The following WDPCP variants were observed in gnomAD, a reference collection of about 807,000 sequenced individuals.
WDPCP encodes the protein WD repeat containing planar cell polarity effector, also known as WD repeat-containing and planar cell polarity effector protein fritz homolog.
WDPCP carries 71 observed loss-of-function variants against 93.1 expected under a neutral mutation model. The observed-to-expected ratio is 0.76, with a 90% CI of 0.63 to 0.93. The LOEUF is 0.93. Ranked by LOEUF, WDPCP falls within the 40% of genes least tolerant of loss-of-function variation. The probability of loss-of-function intolerance (pLI) is 0.00; values close to 1 mark genes in which losing one functional copy is unlikely to be tolerated. For missense variants in WDPCP, 844 were observed against 887.4 expected (o/e 0.95, Z 0.62); for synonymous variants, 315 against 315.0 (o/e 1.00, Z 0.00).
At chr2:63,525,238 C>A (rs1242667207) in intron 1 of WDPCP, among the ~76,000 whole-genome samples, 1 of 152,140 alleles carries the variant, frequency 6.6e-6, no homozygotes, top group African/African-American at 2.4e-5. Context: ...GACCCAAGGC[C>A]TACCTGAGGG....
chr2:63,624,230 T>TG (rs1462894876), intron 3 of WDPCP, among the ~76,000 whole-genome samples: 3 of 151,934 alleles, frequency 2.0e-5, no homozygotes, highest in African/African-American at 7.3e-5. Flanking sequence ...CAGGAGAAAG[T>TG]GGGAAAGATC....
At chr2:63,751,266 T>C (rs1669877441) in intron 2 of WDPCP, among the ~76,000 whole-genome samples, 1 of 152,198 alleles carries the variant, frequency 6.6e-6, no homozygotes, top group Non-Finnish European at 1.5e-5. Flanking sequence ...TGGTATCTTA[T>C]TATCCTTTTC....
intron 12 of WDPCP, among the ~76,000 whole-genome samples, chr2:63,362,274 T>TTTTTG (rs764194233): frequency 3.4e-5 from 2 of 57,980 alleles, no homozygotes; most frequent in Non-Finnish European, 6.3e-5. Context: ...TTTTTTTTTT[T>TTTTTG]GGTTGTGTGT....
At chr2:63,706,952 C>A (rs564652581) in intron 2 of WDPCP, among the ~76,000 whole-genome samples, 1 of 152,090 alleles carries the variant, frequency 6.6e-6, no homozygotes, top group South Asian at 2.1e-4. Flanking sequence ...TGAATATTGG[C>A]CCCCCACTCT....
intron 2 of WDPCP, among the ~76,000 whole-genome samples, chr2:63,759,582 C>T (rs772585959): frequency 7.2e-5 from 11 of 152,208 alleles, no homozygotes; most frequent in Non-Finnish European, 1.6e-4. Context: ...TGTCATGGTA[C>T]TTTAAATTTG....
At chr2:63,219,422 CA>C (rs1372095557) in intron 14 of WDPCP, among the ~76,000 whole-genome samples, 2 of 152,224 alleles carry the variant, frequency 1.3e-5, no homozygotes, top group East Asian at 3.9e-4. Flanking sequence ...GTTTTGTGCC[CA>C]AAGGCTTTTA....
rs1258638702 is a variant in WDPCP, at chr2:63,410,016, A to C, written c.826-5359T>G. 2.6e-5 allele frequency among the ~76,000 whole-genome samples: 4 copies of C among 152,320 alleles called. No homozygotes were observed. The South Asian group carries it at 8.3e-4, about 32-fold the overall frequency. On this transcript the variant is annotated intron_variant, in intron 9 of 17. Transcript: ENST00000272321. ...CTTGCTAGAGACATCCAAATACAAG[A>C]AGCACAGAAAACATCTGGGAAATTC...
chr2:63,354,590 C>T (rs1277751909), intron 12 of WDPCP, among the ~76,000 whole-genome samples: 1 of 152,154 alleles, frequency 6.6e-6, no homozygotes, highest in Non-Finnish European at 1.5e-5. Flanking sequence ...AGCTGGATCA[C>T]ACCCCAAAGC....
At chr2:63,671,463 G>A (rs995198201) in intron 2 of WDPCP, among the ~76,000 whole-genome samples, 4 of 152,058 alleles carry the variant, frequency 2.6e-5, no homozygotes, top group South Asian at 4.2e-4. Context: ...TTCACCCAGC[G>A]TCAGACTTGC....
intron 2 of WDPCP, among the ~76,000 whole-genome samples, chr2:63,791,427 C>T (rs1670543868): frequency 6.6e-6 from 1 of 152,138 alleles, no homozygotes; most frequent in South Asian, 2.1e-4. Context: ...GCATCTGATG[C>T]ATTGTTAGCT....
At chr2:63,597,440 C>G (rs1220483910) in intron 3 of WDPCP, 12 of 1,476,970 alleles carry the variant, frequency 8.1e-6, no homozygotes, top group Non-Finnish European at 1.0e-5. Context: ...CTTCAAAGAC[C>G]TGGATGTGGC....
rs1190663602 is a variant in WDPCP, at chr2:63,512,673, G to A, written c.76-19733C>T. ...AACCAAACACCTCATGTTCTCACTC[G>A]TAAGTAGGAGTTGAACAATGAGAAC... is the stretch of plus-strand genomic sequence containing the variant. On this transcript the variant is annotated intron_variant, in intron 1 of 17. Coordinates refer to ENST00000272321, the MANE Select transcript of WDPCP (RefSeq NM_015910.7). 2.6e-5 allele frequency among the ~76,000 whole-genome samples: 4 copies of A among 151,940 alleles called. No homozygotes were observed. The South Asian group carries it at 6.2e-4, about 24-fold the overall frequency.
intron 11 of WDPCP, among the ~76,000 whole-genome samples, chr2:63,378,766 C>A: frequency 6.6e-6 from 1 of 152,110 alleles, no homozygotes; most frequent in East Asian, 1.9e-4. Context: ...ACCAACCTCT[C>A]ACCACAAATG....
intron 2 of WDPCP, among the ~76,000 whole-genome samples, chr2:63,771,908 T>C (rs551220336): frequency 2.6e-5 from 4 of 152,210 alleles, no homozygotes; most frequent in African/African-American, 7.2e-5. Context: ...TAGTATTCCA[T>C]TGTGTATATG....
chr2:63,165,271 A>C (rs542262879), intron 15 of WDPCP, among the ~76,000 whole-genome samples: 5 of 152,262 alleles, frequency 3.3e-5, no homozygotes, highest in African/African-American at 1.2e-4. Flanking sequence ...AATTTTGTCA[A>C]AGGCATTTTC....
intron 14 of WDPCP, among the ~76,000 whole-genome samples, chr2:63,215,480 T>C (rs1405342260): frequency 6.6e-6 from 1 of 152,200 alleles, no homozygotes; most frequent in Non-Finnish European, 1.5e-5. Context: ...ATTTAATAAA[T>C]GGTGCTGGGA....
intron 12 of WDPCP, among the ~76,000 whole-genome samples, chr2:63,371,365 G>A (rs2104778382): frequency 1.3e-5 from 2 of 152,140 alleles, no homozygotes; most frequent in South Asian, 4.1e-4. Flanking sequence ...CTCCCAATGG[G>A]TCTCCTTCTC....
chr2:63,375,527 G>T (rs1449501091), intron 12 of WDPCP, among the ~76,000 whole-genome samples: 1 of 151,698 alleles, frequency 6.6e-6, no homozygotes, highest in Non-Finnish European at 1.5e-5. Context: ...TATGAAAATT[G>T]ATCACTTTGA....
chr2:63,373,780 T>A (rs569740021), intron 12 of WDPCP, among the ~76,000 whole-genome samples: 2 of 152,124 alleles, frequency 1.3e-5, no homozygotes, highest in South Asian at 4.1e-4. Context: ...ACATTTTCCC[T>A]CTCCTTCCTT....
Sources: allele counts gnomAD v4.1 joint callset (sites outside exome capture counted in the v4.1 genomes callset), GRCh38; gene constraint gnomAD v4.1.1; transcripts MANE v1.5; gene names NCBI Gene and HGNC (gene_info 2026-07-23, HGNC 2026-07-21).